The following GRIA4 variants were observed in gnomAD, a reference collection of about 807,000 sequenced individuals.
GRIA4 encodes the protein glutamate receptor 4.
Under a neutral mutation model 104.0 loss-of-function variants are expected in GRIA4, and 34 were observed. That is an observed-to-expected ratio of 0.33 (90% CI 0.25 to 0.44). GRIA4 has a LOEUF of 0.44. Among genes scored for constraint, GRIA4 ranks in the 20% least tolerant of loss-of-function variants. The pLI is 1.00. For synonymous variants in GRIA4, 386 were observed against 381.9 expected (o/e 1.01, Z -0.13); for missense variants, 750 against 1,096.5 (o/e 0.68, Z 4.46).
intron 3 of GRIA4, among the ~76,000 whole-genome samples, chr11:105,727,794 C>T (rs532294742): frequency 3.9e-5 from 6 of 152,118 alleles, no homozygotes; most frequent in East Asian, 1.9e-4. Context: ...TAAGTGAAGG[C>T]GAAATAAAAT....
Position 105,926,761 on chromosome 11 carries a change from T to C in GRIA4, c.1868T>C (p.Val623Ala), listed in dbSNP as rs149552451. Residue 623 changes from valine to alanine, a missense_variant, in exon 13 of 17, where the codon GTT becomes GCT. By Grantham distance (64) the Val-to-Ala change is moderately conservative (BLOSUM62 0). Coordinates refer to ENST00000282499, the MANE Select transcript of GRIA4 (RefSeq NM_000829.4). ...TTTAGATCCCTCTCAGGTCGAATTG[T>C]TGGAGGTGTTTGGTGGTTCTTTACA... Reference protein sequence around the residue: ...ISPRSLSGRIVGGVWWFFTLI... With the variant: ...ISPRSLSGRIAGGVWWFFTLI... The C allele has an allele frequency of 2.4e-5, 39 of 1,606,344 alleles. No individual in the cohort carries two copies. The highest frequency in any genetic ancestry group is 4.0e-5 in the African/African-American group (3 of 74,866).
intron 4 of GRIA4, among the ~76,000 whole-genome samples, chr11:105,790,256 A>T (rs1942156266): frequency 6.6e-6 from 1 of 152,088 alleles, no homozygotes. Context: ...TCTCTAGCTC[A>T]CCTGTCAGAG....
chr11:105,711,440 A>G (rs979033049), intron 3 of GRIA4, among the ~76,000 whole-genome samples: 2 of 152,088 alleles, frequency 1.3e-5, no homozygotes, highest in African/African-American at 2.4e-5. Context: ...ATAAAATTTA[A>G]AAAAAGAAAA....
At chr11:105,870,570 A>G (rs533737285) in intron 5 of GRIA4, among the ~76,000 whole-genome samples, 1 of 152,104 alleles carries the variant, frequency 6.6e-6, no homozygotes, top group South Asian at 2.1e-4. Flanking sequence ...GACAGAAGCA[A>G]ATTATTGAAA....
chr11:105,884,521 T>G (rs1946182380), intron 5 of GRIA4, among the ~76,000 whole-genome samples: 1 of 152,202 alleles, frequency 6.6e-6, no homozygotes, highest in African/African-American at 2.4e-5. Flanking sequence ...AATGAGAACT[T>G]CACAGCGTTT....
intron 4 of GRIA4, among the ~76,000 whole-genome samples, chr11:105,776,891 T>G (rs1180049587): frequency 6.6e-6 from 1 of 152,196 alleles, no homozygotes; most frequent in African/African-American, 2.4e-5. Flanking sequence ...AAAAAGTATT[T>G]CTAATCTCAA....
intron 4 of GRIA4, among the ~76,000 whole-genome samples, chr11:105,829,917 A>G (rs755749175): frequency 5.3e-5 from 8 of 152,004 alleles, no homozygotes; most frequent in Non-Finnish European, 1.0e-4. Context: ...GAGCTGGAAA[A>G]GTATAAAAAT....
chr11:105,923,867 A>T (rs1305041631), intron 11 of GRIA4, among the ~76,000 whole-genome samples: 2 of 152,174 alleles, frequency 1.3e-5, no homozygotes. Context: ...TTCTTTTATC[A>T]TACAAGCACA....
intron 3 of GRIA4, among the ~76,000 whole-genome samples, chr11:105,656,393 C>T (rs952991351): frequency 2.0e-4 from 27 of 136,440 alleles, no homozygotes; most frequent in African/African-American, 6.4e-4. Context: ...AAGACTTAAT[C>T]GTAAGACCTA....
intron 3 of GRIA4, among the ~76,000 whole-genome samples, chr11:105,634,353 C>CAA (rs1267208067): frequency 3.6e-4 from 18 of 50,176 alleles, no homozygotes; most frequent in African/African-American, 1.2e-3. Context: ...TCTCCGTCTC[C>CAA]AAAAAAAAAA....
intron 3 of GRIA4, among the ~76,000 whole-genome samples, chr11:105,733,823 A>G (rs1380753540): frequency 9.2e-6 from 1 of 109,248 alleles, no homozygotes; most frequent in Non-Finnish European, 2.1e-5. Flanking sequence ...TCCATTTTGA[A>G]ACACTTTTTT....
chr11:105,885,722 T>G (rs1200585369), intron 5 of GRIA4, among the ~76,000 whole-genome samples: 4 of 152,238 alleles, frequency 2.6e-5, no homozygotes, highest in African/African-American at 9.6e-5. Context: ...CTTAGTTTGG[T>G]GAGGAAAATA....
chr11:105,688,156 C>CTATATCTCTATCTATCTATCTATCTA (rs373564678), intron 3 of GRIA4, among the ~76,000 whole-genome samples: 5 of 72,742 alleles, frequency 6.9e-5, no homozygotes, highest in East Asian at 3.9e-4. Context: ...ATATCTATAT[C>CTATATCTCTATCTATCTATCTATCTA]TCTATCTATC....
intron 10 of GRIA4, chr11:105,913,033 T>C: frequency 1.1e-6 from 1 of 920,898 alleles, no homozygotes; most frequent in Non-Finnish European, 1.3e-6. Context: ...TGTCTGTCCT[T>C]TGTGTATGTT....
intron 14 of GRIA4, among the ~76,000 whole-genome samples, chr11:105,937,238 A>C (rs1948070118): frequency 2.0e-5 from 3 of 152,154 alleles, no homozygotes; most frequent in Admixed American, 2.0e-4. Flanking sequence ...AAGTATATTT[A>C]TTTTGACTTT....
At chr11:105,907,125 T>C (rs1391979928) in intron 9 of GRIA4, among the ~76,000 whole-genome samples, 1 of 152,170 alleles carries the variant, frequency 6.6e-6, no homozygotes, top group Non-Finnish European at 1.5e-5. Context: ...AGCAGTAATA[T>C]GAAGTGGGCT....
intron 4 of GRIA4, among the ~76,000 whole-genome samples, chr11:105,782,538 T>C (rs895939710): frequency 6.6e-6 from 1 of 152,174 alleles, no homozygotes; most frequent in African/African-American, 2.4e-5. Flanking sequence ...AGCAAAGTTA[T>C]AGAGTTCAGT....
chr11:105,712,408 T>G (rs748373859), intron 3 of GRIA4, among the ~76,000 whole-genome samples: 5 of 152,008 alleles, frequency 3.3e-5, no homozygotes, highest in Non-Finnish European at 7.4e-5. Flanking sequence ...TATCTATATA[T>G]AGATATAGAT....
At chr11:105,876,356 A>C (rs984180175) in intron 5 of GRIA4, among the ~76,000 whole-genome samples, 3 of 152,048 alleles carry the variant, frequency 2.0e-5, no homozygotes, top group Non-Finnish European at 4.4e-5. Flanking sequence ...TTTTAGAATA[A>C]GTGTGAGGTG....
Sources: allele counts gnomAD v4.1 joint callset (sites outside exome capture counted in the v4.1 genomes callset), GRCh38; gene constraint gnomAD v4.1.1; transcripts MANE v1.5; gene names NCBI Gene and HGNC (gene_info 2026-07-23, HGNC 2026-07-21).